ERCC6L2: variants seen among roughly 807,000 people sequenced by gnomAD.
ERCC6L2 encodes the protein ERCC excision repair 6 like 2, also known as DNA excision repair protein ERCC-6-like 2.
Under a neutral mutation model 132.0 loss-of-function variants are expected in ERCC6L2, and 77 were observed. The ratio of observed to expected loss-of-function variants is 0.58; its 90% CI spans 0.49 to 0.71. The LOEUF is 0.71. ERCC6L2 is among the 30% of genes least tolerant of loss of function. ERCC6L2 has a pLI of 0.00. For missense variants in ERCC6L2, 1,542 were observed against 1,837.6 expected, an observed-to-expected ratio of 0.84 and a Z score of 2.94; for synonymous variants, 583 against 632.4, an observed-to-expected ratio of 0.92 and a Z score of 1.17.
rs111595996 is a variant in ERCC6L2, at chr9:95,979,018, G to T, written c.3492+803G>T. Among the ~76,000 whole-genome samples the T allele has an allele frequency of 9.7e-3, 1,482 of 152,258 alleles. 15 individuals carry two copies. Among genetic ancestry groups the T allele is most frequent in the Middle Eastern group, 0.041 (12 of 294 alleles). ...AAATTACCTTAACAATAAAACCAGA[G>T]TACAAAATGAAATTTAGGACCAGAG... On this transcript the variant is annotated intron_variant, in intron 17 of 18. Coordinates refer to ENST00000653738, the MANE Select transcript of ERCC6L2 (RefSeq NM_020207.7).
intron 17 of ERCC6L2, among the ~76,000 whole-genome samples, chr9:95,982,611 T>C (rs1248161738): frequency 6.6e-6 from 1 of 152,166 alleles, no homozygotes; most frequent in Non-Finnish European, 1.5e-5. Flanking sequence ...CATGGTCTTA[T>C]CATTTTTCTT....
intron 19 of ERCC6L2, among the ~76,000 whole-genome samples, chr9:96,036,788 A>C (rs1196066182): frequency 7.2e-6 from 1 of 138,744 alleles, no homozygotes; most frequent in African/African-American, 2.7e-5. Context: ...TTTTTTTGAG[A>C]CGGAGTCTCA....
At chr9:95,982,108 A>G (rs1355052343) in intron 17 of ERCC6L2, among the ~76,000 whole-genome samples, 2 of 152,188 alleles carry the variant, frequency 1.3e-5, no homozygotes, top group Admixed American at 1.3e-4. Flanking sequence ...ACAGAGAAAT[A>G]ACGGGTCGCT....
At chr9:96,005,298 G>A (rs991855753) in intron 18 of ERCC6L2, among the ~76,000 whole-genome samples, 1 of 151,884 alleles carries the variant, frequency 6.6e-6, no homozygotes, top group Non-Finnish European at 1.5e-5. Flanking sequence ...GGGCGACAGA[G>A]CGAGACTCTG....
downstream of ERCC6L2, chr9:96,020,344 G>A (rs965401833): frequency 2.7e-5 from 5 of 186,198 alleles, 1 homozygote; most frequent in South Asian, 4.9e-4. Context: ...CAGGGGGCCA[G>A]GCCTTCAGCA....
At position 96,012,610 on chromosome 9, in the gene ERCC6L2, G is replaced by T. The variant is rs1477857362; in HGVS notation, c.4060G>T (p.Ala1354Ser). Residue 1354 changes from alanine (A) to serine (S), a missense_variant, in exon 19 of 19, where the codon GCA becomes TCA. Ala to Ser is a moderately conservative substitution (Grantham distance 99). Around this residue, in one of 4 missense-constraint regions of ERCC6L2, gnomAD observed 442 missense variants for 583.4 expected, o/e 0.76. Coordinates refer to ENST00000653738, the MANE Select transcript of ERCC6L2 (RefSeq NM_020207.7). ...TAGAGAAGAGGTGTTTTTTAATGAT[G>T]CAGAAACTAAGAAATCACCTGTTAG... ...SYREEVFFNDAETKKSPVSST... is the reference protein window; with the variant it reads ...SYREEVFFNDSETKKSPVSST... 1.5e-6 allele frequency: 2 copies of T among 1,367,512 alleles called. No individual in the cohort carries two copies. Among genetic ancestry groups the T allele is most frequent in the South Asian group, 1.1e-5 (1 of 88,040 alleles). 84.7% of individuals were successfully genotyped at this position (1,367,512 alleles called of 1,614,324 possible).
chr9:95,908,125 A>G (rs1051130256), intron 4 of ERCC6L2, among the ~76,000 whole-genome samples: 7 of 152,158 alleles, frequency 4.6e-5, no homozygotes, highest in Non-Finnish European at 8.8e-5. Flanking sequence ...AGAAGGACCA[A>G]TTAAGAGGCT....
At chr9:95,958,382 G>T (rs1281294422) in intron 13 of ERCC6L2, among the ~76,000 whole-genome samples, 1 of 152,096 alleles carries the variant, frequency 6.6e-6, no homozygotes, top group African/African-American at 2.4e-5. Flanking sequence ...GTAATGGGAT[G>T]GCTGGGTCAA....
At chr9:95,882,584 C>T (rs1306500108) in intron 2 of ERCC6L2, among the ~76,000 whole-genome samples, 1 of 151,588 alleles carries the variant, frequency 6.6e-6, no homozygotes, top group Non-Finnish European at 1.5e-5. Context: ...TATTGGAACT[C>T]AAAGGTTTAA....
At chr9:95,965,359 G>A (rs968968354) in intron 13 of ERCC6L2, among the ~76,000 whole-genome samples, 2 of 152,034 alleles carry the variant, frequency 1.3e-5, no homozygotes, top group Non-Finnish European at 2.9e-5. Flanking sequence ...ATGATATAAG[G>A]TTGTAAGGAT....
intron 19 of ERCC6L2, chr9:96,038,773 G>A (rs1834547297): frequency 2.3e-6 from 1 of 434,970 alleles, no homozygotes; most frequent in South Asian, 1.6e-5. Flanking sequence ...TTTTCAAAAG[G>A]TGGAGTCTAA....
chr9:95,913,480 TTCTC>T (rs1014479505), intron 4 of ERCC6L2, among the ~76,000 whole-genome samples: 5 of 152,156 alleles, frequency 3.3e-5, no homozygotes, highest in African/African-American at 4.8e-5. Flanking sequence ...CTTTCTCTCT[TTCTC>T]TCTTTCTTTC....
chr9:95,918,340 C>T (rs1443911180), intron 6 of ERCC6L2: 4 of 379,118 alleles, frequency 1.1e-5, no homozygotes, highest in East Asian at 6.7e-5. Flanking sequence ...CCAAATGACA[C>T]GATGTTTCTA....
At chr9:95,876,115 AG>A in intron 1 of ERCC6L2, 31 bp downstream of exon 1, 1 of 1,547,804 alleles carries the variant, frequency 6.5e-7, no homozygotes, top group Non-Finnish European at 8.7e-7. Flanking sequence ...CCTTACGCAG[AG>A]GCCTGTGTAC....
Position 95,930,813 on chromosome 9 carries a change from C to G in ERCC6L2, c.1751+1949C>G, listed in dbSNP as rs377105146. Among the ~76,000 whole-genome samples, 16 of 152,198 alleles carry G rather than the reference C, an allele frequency of 1.1e-4. No individual in the cohort carries two copies. The East Asian group carries it at 2.1e-3, about 20-fold the overall frequency. ...GTTTGGTCCATTAACTTTCCACATG[C>G]CTTCTAAGTCTTTGTAATGTGTGGT... On this transcript the variant is annotated intron_variant, in intron 11 of 18. Transcript: ENST00000653738.
At chr9:95,921,584 T>G (rs1254530704) in intron 7 of ERCC6L2, among the ~76,000 whole-genome samples, 1 of 152,242 alleles carries the variant, frequency 6.6e-6, no homozygotes, top group African/African-American at 2.4e-5. Context: ...GGAAGTATCC[T>G]TTCATTTTGA....
intron 4 of ERCC6L2, among the ~76,000 whole-genome samples, chr9:95,908,316 A>T (rs1308680224): frequency 6.6e-6 from 1 of 152,096 alleles, no homozygotes; most frequent in Non-Finnish European, 1.5e-5. Flanking sequence ...TATGACTGGT[A>T]TCCTTATAGG....
chr9:95,968,088 G>A (rs184114131), intron 14 of ERCC6L2: 3 of 152,050 alleles, frequency 2.0e-5, no homozygotes, highest in East Asian at 1.9e-4. Flanking sequence ...CTTGTTTATC[G>A]TGCCACTGCA....
At chr9:95,915,575 C>T (rs1363294448) in intron 4 of ERCC6L2, 93 bp from the exon 5 acceptor site, 4 of 1,335,274 alleles carry the variant, frequency 3.0e-6, no homozygotes, top group Non-Finnish European at 4.1e-6. Flanking sequence ...AAAATAATTC[C>T]AAAACTTTGA....
Sources: gnomAD v4.1 joint callset for allele counts (sites outside exome capture counted in the v4.1 genomes callset) on GRCh38, gnomAD v4.1.1 for gene constraint, gnomAD v4.1.1 regional missense constraint, MANE v1.5 for transcripts, NCBI Gene and HGNC (gene_info 2026-07-23, HGNC 2026-07-21) for gene names.